The following GRK5 variants were observed in gnomAD, a reference collection of about 807,000 sequenced individuals.
GRK5 encodes the protein G protein-coupled receptor kinase 5, also known as g protein-coupled receptor kinase GRK5.
GRK5 carries 40 observed loss-of-function variants against 78.4 expected under a neutral mutation model. The observed-to-expected ratio is 0.51, with a 90% CI of 0.40 to 0.66. The LOEUF is 0.66. Ranked by LOEUF, GRK5 falls within the 30% of genes least tolerant of loss-of-function variation. GRK5 has a pLI of 0.00. For synonymous variants in GRK5, 289 were observed against 296.8 expected (o/e 0.97, Z 0.27); for missense variants, 598 against 759.9 (o/e 0.79, Z 2.50).
intron 2 of GRK5, among the ~76,000 whole-genome samples, chr10:119,370,893 T>C (rs1202048082): frequency 2.0e-5 from 3 of 150,412 alleles, no homozygotes; most frequent in African/African-American, 7.3e-5. Flanking sequence ...GAAAATGAAG[T>C]TAAATAAAAT....
Position 119,326,626 on chromosome 10 carries a change from C to T in GRK5, c.148+15C>T. ...AAGGACCATAGGTAAGCTGTCCTGC[C>T]TGGGGGCTGTGCGGGGAGTGAGTAG... On this transcript the variant is annotated intron_variant, in intron 2 of 15. Coordinates refer to ENST00000392870, the MANE Select transcript of GRK5 (RefSeq NM_005308.3). The T allele has an allele frequency of 6.3e-7, 1 of 1,594,362 alleles. No individual in the cohort carries two copies. Among genetic ancestry groups the T allele is most frequent in the East Asian group, 2.2e-5 (1 of 44,782 alleles).
At chr10:119,291,952 T>TCC (rs1849975140) in intron 1 of GRK5, among the ~76,000 whole-genome samples, 2 of 136,658 alleles carry the variant, frequency 1.5e-5, no homozygotes, top group Admixed American at 7.3e-5. Flanking sequence ...TTTTTCCTCC[T>TCC]TCTCCTCCTC....
At chr10:119,297,331 C>T (rs1487741231) in intron 1 of GRK5, among the ~76,000 whole-genome samples, 2 of 152,222 alleles carry the variant, frequency 1.3e-5, no homozygotes, top group Non-Finnish European at 1.5e-5. Flanking sequence ...TTCCCATTAT[C>T]ACTATCACCA....
intron 1 of GRK5, among the ~76,000 whole-genome samples, chr10:119,216,446 C>G (rs1222043167): frequency 2.0e-5 from 3 of 152,226 alleles, no homozygotes; most frequent in African/African-American, 4.8e-5. Flanking sequence ...AGCTGATCTG[C>G]TGCCCTGTCC....
intron 1 of GRK5, among the ~76,000 whole-genome samples, chr10:119,304,643 C>A (rs1850242759): frequency 6.6e-6 from 1 of 152,174 alleles, no homozygotes; most frequent in Non-Finnish European, 1.5e-5. Flanking sequence ...CCCACAGGCC[C>A]CTGAGTCCCG....
At chr10:119,304,375 C>A (rs1008353819) in intron 1 of GRK5, among the ~76,000 whole-genome samples, 2 of 150,320 alleles carry the variant, frequency 1.3e-5, no homozygotes, top group Non-Finnish European at 3.0e-5. Flanking sequence ...CTGCAACCTC[C>A]GCCTCCTAGG....
intron 1 of GRK5, among the ~76,000 whole-genome samples, chr10:119,304,067 G>C (rs1241012436): frequency 6.6e-6 from 1 of 152,120 alleles, no homozygotes; most frequent in Non-Finnish European, 1.5e-5. Context: ...GGTGTTACCT[G>C]GTGCTGGGGA....
intron 1 of GRK5, among the ~76,000 whole-genome samples, chr10:119,286,205 AACACCCTGTACCCT>A (rs1190060984): frequency 2.0e-5 from 3 of 152,206 alleles, no homozygotes; most frequent in African/African-American, 7.2e-5. Flanking sequence ...TAGTGTAATG[AACACCCTGTACCCT>A]GCAGCCACCA....
chr10:119,369,571 T>C (rs929533850), intron 2 of GRK5, among the ~76,000 whole-genome samples: 2 of 152,204 alleles, frequency 1.3e-5, no homozygotes, highest in Admixed American at 1.3e-4. Context: ...AGGAGAGCTG[T>C]TTTCCCCTCA....
intron 2 of GRK5, among the ~76,000 whole-genome samples, chr10:119,342,292 C>T (rs1478855858): frequency 6.6e-6 from 1 of 152,212 alleles, no homozygotes; most frequent in Admixed American, 6.5e-5. Flanking sequence ...CTAAACCAAA[C>T]CGGTGCTGCT....
intron 4 of GRK5, among the ~76,000 whole-genome samples, chr10:119,398,158 C>T (rs929192493): frequency 2.6e-5 from 4 of 152,152 alleles, no homozygotes; most frequent in Non-Finnish European, 5.9e-5. Context: ...TGGACACAGA[C>T]GAGGAGACGT....
intron 1 of GRK5, among the ~76,000 whole-genome samples, chr10:119,317,669 C>T (rs1266185022): frequency 2.0e-5 from 3 of 152,116 alleles, no homozygotes; most frequent in Non-Finnish European, 4.4e-5. Context: ...TCAGGCAGGA[C>T]GCAGCGACCT....
chr10:119,237,298 A>T (rs1848950956), intron 1 of GRK5, among the ~76,000 whole-genome samples: 1 of 152,104 alleles, frequency 6.6e-6, no homozygotes, highest in African/African-American at 2.4e-5. Flanking sequence ...CCTGCACTCA[A>T]GTGATTTGCC....
intron 1 of GRK5, among the ~76,000 whole-genome samples, chr10:119,224,472 G>A (rs141846206): frequency 0.011 from 1,608 of 152,082 alleles, 38 homozygotes; most frequent in African/African-American, 0.037. Flanking sequence ...GCAATGGCAC[G>A]ATCTCGGCTC....
chr10:119,236,403 A>G (rs966849730), intron 1 of GRK5, among the ~76,000 whole-genome samples: 1 of 151,440 alleles, frequency 6.6e-6, no homozygotes, highest in Non-Finnish European at 1.5e-5. Context: ...TTTAGTAGAG[A>G]TGGGGTTTCA....
chr10:119,424,999 C>G lies in GRK5; in HGVS notation c.447C>G (p.Val149=). Residue 149 remains valine (V), a synonymous_variant, in exon 6 of 16, where the codon GTC becomes GTG. Coordinates refer to ENST00000392870, the MANE Select transcript of GRK5 (RefSeq NM_005308.3). ...KELFSACAQS[V]HEYLRGEPFH... ...CTTGTTCCATCTGCACTAGGTCTGTCCACGAGTACCTGAGGGGAGAACCAT... is the reference window on the plus strand; with the variant it reads ...CTTGTTCCATCTGCACTAGGTCTGTGCACGAGTACCTGAGGGGAGAACCAT... 6.2e-7 allele frequency: 1 copy of G among 1,609,914 alleles called. No individual in the cohort carries two copies. Among genetic ancestry groups the G allele is most frequent in the Non-Finnish European group, 8.5e-7 (1 of 1,176,216 alleles).
intron 1 of GRK5, among the ~76,000 whole-genome samples, chr10:119,220,175 G>A (rs1848636685): frequency 6.6e-6 from 1 of 152,156 alleles, no homozygotes; most frequent in Non-Finnish European, 1.5e-5. Flanking sequence ...GAGGCTTTAT[G>A]GATGGTGCCA....
At chr10:119,454,271 G>A (rs925851229) in intron 15 of GRK5, among the ~76,000 whole-genome samples, 4 of 152,160 alleles carry the variant, frequency 2.6e-5, no homozygotes, top group Non-Finnish European at 4.4e-5. Context: ...TCACAGACCC[G>A]GGTTCAAACC....
chr10:119,373,847 C>A (rs1054128017), intron 2 of GRK5, among the ~76,000 whole-genome samples: 1 of 152,154 alleles, frequency 6.6e-6, no homozygotes, highest in African/African-American at 2.4e-5. Flanking sequence ...CTGCAAAAGA[C>A]AATAAAGTGA....
Sources: gnomAD v4.1 joint callset for allele counts (sites outside exome capture counted in the v4.1 genomes callset) on GRCh38, gnomAD v4.1.1 for gene constraint, MANE v1.5 for transcripts, NCBI Gene and HGNC (gene_info 2026-07-23, HGNC 2026-07-21) for gene names.